The following BTAF1 variants were observed in gnomAD, a reference collection of about 807,000 sequenced individuals.
BTAF1 encodes the protein B-TFIID TATA-box binding protein associated factor 1, also known as TATA-binding protein-associated factor 172.
BTAF1 carries 38 observed loss-of-function variants against 227.1 expected under a neutral mutation model. The observed-to-expected ratio is 0.17, with a 90% CI of 0.13 to 0.22. The LOEUF is 0.22. Ranked by LOEUF, BTAF1 falls within the 10% of genes least tolerant of loss-of-function variation. The pLI, the probability that BTAF1 is intolerant of heterozygous loss-of-function variation, is 1.00. For synonymous variants in BTAF1, 742 were observed against 751.9 expected (o/e 0.99, Z 0.21); for missense variants, 1,598 against 2,204.0 (o/e 0.73, Z 5.51).
intron 6 of BTAF1, 143 bp downstream of exon 6, chr10:91,954,016 TATTC>T (rs1358909556): frequency 2.8e-5 from 34 of 1,213,324 alleles, no homozygotes; most frequent in Non-Finnish European, 3.6e-5. Flanking sequence ...TGTCAGAGAG[TATTC>T]ATTGTACTAG....
intron 19 of BTAF1, among the ~76,000 whole-genome samples, chr10:91,986,669 A>G (rs975850688): frequency 2.6e-4 from 39 of 151,814 alleles, no homozygotes; most frequent in Admixed American, 7.2e-4. Context: ...TTAAATCTCA[A>G]ATTTTCTTTA....
In BTAF1 at chr10:91,981,712, G is replaced by A; in HGVS notation, c.1825G>A (p.Ala609Thr). 3 of 1,613,902 alleles carry A rather than the reference G, an allele frequency of 1.9e-6. No homozygotes were observed. The highest frequency in any genetic ancestry group is 2.5e-6 in the Non-Finnish European group (3 of 1,179,866). ...VVAAACPWMGAWLCLMMQPSH... is the reference protein window; with the variant it reads ...VVAAACPWMGTWLCLMMQPSH... Reference sequence around the variant, plus strand: ...AGCAGCTGCTTGCCCATGGATGGGTGCTTGGCTTTGCTTGATGATGCAGCC... The same window carrying A: ...AGCAGCTGCTTGCCCATGGATGGGTACTTGGCTTTGCTTGATGATGCAGCC... The change falls in exon 16 of 38, where the codon GCT becomes ACT. Residue 609 changes from alanine (A) to threonine (T), a missense_variant. This residue lies in a region of BTAF1 where 318 missense variants were observed against 435.0 expected (regional missense o/e 0.73). Transcript: ENST00000265990.
chr10:92,024,189 A>C (rs1851330377), intron 34 of BTAF1, among the ~76,000 whole-genome samples: 1 of 152,204 alleles, frequency 6.6e-6, no homozygotes, highest in South Asian at 2.1e-4. Context: ...CTGTCTTGTC[A>C]AGAATCCACA....
At chr10:91,947,353 G>A (rs1448553248) in intron 4 of BTAF1, among the ~76,000 whole-genome samples, 1 of 151,988 alleles carries the variant, frequency 6.6e-6, no homozygotes, top group Non-Finnish European at 1.5e-5. Flanking sequence ...TTAGTTTTTA[G>A]TTATTTTATC....
intron 2 of BTAF1, among the ~76,000 whole-genome samples, chr10:91,937,681 T>C (rs868721169): frequency 6.6e-6 from 1 of 152,172 alleles, no homozygotes; most frequent in African/African-American, 2.4e-5. Context: ...TACTGATTTT[T>C]TGGTTGATGA....
chr10:92,014,066 T>C, intron 32 of BTAF1, 37 bp downstream of exon 32: 1 of 1,581,720 alleles, frequency 6.3e-7, no homozygotes, highest in Non-Finnish European at 8.6e-7. Flanking sequence ...TAGTGGTATG[T>C]TTATTAGCAG....
intron 2 of BTAF1, among the ~76,000 whole-genome samples, chr10:91,938,055 G>A (rs910948368): frequency 6.6e-6 from 1 of 152,126 alleles, no homozygotes; most frequent in Non-Finnish European, 1.5e-5. Flanking sequence ...GTCTTCACTT[G>A]ATCTTAGCCA....
At chr10:91,931,327 T>TA (rs1292991225) in intron 1 of BTAF1, among the ~76,000 whole-genome samples, 1 of 152,244 alleles carries the variant, frequency 6.6e-6, no homozygotes, top group African/African-American at 2.4e-5. Context: ...AATAAATTTA[T>TA]AACCAGTGGA....
In BTAF1 at chr10:92,030,993, A is replaced by G. The variant is rs1350456604; in HGVS notation, c.*2060A>G. The stretch of plus-strand genomic sequence containing the variant: ...GAATGATATTAAAGAACTGCTGTCA[A>G]TTTCATGGATGTGATGATTTGGTAG... On this transcript the variant is annotated 3_prime_UTR_variant, in exon 38 of 38. Coordinates refer to ENST00000265990, the MANE Select transcript of BTAF1 (RefSeq NM_003972.3). Among the ~76,000 whole-genome samples the G allele has an allele frequency of 2.0e-5, 3 of 152,204 alleles. No individual in the cohort carries two copies. Among genetic ancestry groups the G allele is most frequent in the Non-Finnish European group, 4.4e-5 (3 of 68,038 alleles).
chr10:92,026,876 G>T (rs1851552171), intron 36 of BTAF1, 125 bp downstream of exon 36: 6 of 1,102,646 alleles, frequency 5.4e-6, no homozygotes, highest in Non-Finnish European at 7.6e-6. Flanking sequence ...ACCTTGGACA[G>T]ATCACTTAAC....
chr10:92,002,456 A>G (rs914855601), intron 25 of BTAF1, among the ~76,000 whole-genome samples: 2 of 152,082 alleles, frequency 1.3e-5, no homozygotes, highest in Non-Finnish European at 2.9e-5. Flanking sequence ...TATTCGTAAC[A>G]CTTGGGTTTA....
At chr10:92,016,527 A>G (rs1344793486) in intron 33 of BTAF1, 62 bp downstream of exon 33, 144 of 1,405,270 alleles carry the variant, frequency 1.0e-4, no homozygotes, top group Non-Finnish European at 1.3e-4. Context: ...CATCTAGGCT[A>G]GAGTGCAGTG....
intron 1 of BTAF1, among the ~76,000 whole-genome samples, chr10:91,926,474 A>G (rs948223596): frequency 1.3e-5 from 2 of 152,006 alleles, no homozygotes; most frequent in African/African-American, 2.4e-5. Flanking sequence ...ACCAAATCCA[A>G]TCCTGTATAT....
At chr10:91,950,357 T>C (rs1845686385) in intron 4 of BTAF1, among the ~76,000 whole-genome samples, 2 of 152,008 alleles carry the variant, frequency 1.3e-5, no homozygotes, top group African/African-American at 4.8e-5. Flanking sequence ...TTTTTTTTTT[T>C]TTCCTGGTGC....
chr10:92,026,799 T>G, intron 36 of BTAF1, 48 bp downstream of exon 36: 1 of 1,573,192 alleles, frequency 6.4e-7, no homozygotes, highest in Non-Finnish European at 8.6e-7. Flanking sequence ...CATGAAAATA[T>G]ACTCCCCCAG....
rs1421097493 is a variant in BTAF1 at position 91,959,791 on chromosome 10, C to G, written c.997C>G (p.Gln333Glu). ...ATATATTATATTTTAACAGATGATT[C>G]AGCAGCATCAAGAGTGGTTGGAAGA... is the stretch of plus-strand genomic sequence containing the variant. ...MGDSTLEEMI[Q>E]QHQEWLEDLV... The change falls in exon 10 of 38, where the codon CAG (glutamine) becomes GAG (glutamate). Residue 333 changes from glutamine (Q) to glutamate (E), a missense_variant. This residue lies in a region of BTAF1 where 298 missense variants were observed against 395.2 expected (regional missense o/e 0.75). Coordinates refer to ENST00000265990, the MANE Select transcript of BTAF1 (RefSeq NM_003972.3). The G allele has an allele frequency of 6.6e-7, 1 of 1,513,002 alleles. No individual in the cohort carries two copies. The highest frequency in any genetic ancestry group is 8.9e-7 in the Non-Finnish European group (1 of 1,117,864). The allele number at this position is 1,513,002 out of a possible 1,614,324, so 93.7% of individuals were successfully genotyped here.
Position 92,016,415 on chromosome 10 carries a change from T to C in BTAF1, c.4660T>C (p.Ser1554Pro), listed in dbSNP as rs769024572. ...VDETVSSATLSEETEKPKLKA... is the reference protein window; with the variant it reads ...VDETVSSATLPEETEKPKLKA... Reference sequence around the variant, plus strand: ...TGAAACAGTTTCTTCAGCTACACTTTCTGAAGAAACTGAAAAACCAAAGCT... The same window carrying C: ...TGAAACAGTTTCTTCAGCTACACTTCCTGAAGAAACTGAAAAACCAAAGCT... Residue 1554 changes from serine (S) to proline (P), a missense_variant, in exon 33 of 38, where the codon TCT (serine) becomes CCT (proline). Ser to Pro is a moderately conservative substitution (Grantham distance 74). This residue lies in a region of BTAF1 where 205 missense variants were observed against 244.5 expected (regional missense o/e 0.84). Transcript: ENST00000265990. 8 of 1,596,392 alleles carry C rather than the reference T, an allele frequency of 5.0e-6. No homozygotes were observed. The highest frequency in any genetic ancestry group is 4.3e-6 in the Non-Finnish European group (5 of 1,173,418).
rs1242995331 is a variant in BTAF1, at chr10:92,026,921, AG to A, written c.5235+172del. On this transcript the variant is annotated intron_variant, in intron 36 of 37. Transcript: ENST00000265990. ...GTATCACTTCCTCATGCATTAAATGAGGTGCTAGCACTTAGGAAAACCTGGA... is the reference window on the plus strand; with the variant it reads ...GTATCACTTCCTCATGCATTAAATGAGTGCTAGCACTTAGGAAAACCTGGA... 3.3e-5 allele frequency among the ~76,000 whole-genome samples: 5 copies of A among 152,288 alleles called. No individual in the cohort carries two copies. The East Asian group carries it at 7.7e-4, about 24-fold the overall frequency.
chr10:91,924,402 T>C (rs1053722176), intron 1 of BTAF1, among the ~76,000 whole-genome samples: 21 of 152,210 alleles, frequency 1.4e-4, no homozygotes, highest in African/African-American at 5.1e-4. Context: ...GAGTCTCTTA[T>C]CTTTCTCAGT....
Sources: gnomAD v4.1 joint callset for allele counts (sites outside exome capture counted in the v4.1 genomes callset) on GRCh38, gnomAD v4.1.1 for gene constraint, gnomAD v4.1.1 regional missense constraint, MANE v1.5 for transcripts, NCBI Gene and HGNC (gene_info 2026-07-23, HGNC 2026-07-21) for gene names.